Variants in ERICH3 observed in about 807,000 individuals in gnomAD.
ERICH3 encodes glutamate rich 3.
ERICH3 carries 126 observed loss-of-function variants against 131.1 expected under a neutral mutation model. The ratio of observed to expected loss-of-function variants is 0.96; its 90% confidence interval spans 0.83 to 1.11. The LOEUF (loss-of-function observed/expected upper bound fraction) is 1.11. ERICH3 is among the 50% of genes most tolerant of loss of function. The probability of loss-of-function intolerance (pLI) is 0.00; values close to 1 mark genes in which losing one functional copy is unlikely to be tolerated. For missense variants in ERICH3, 2,050 were observed against 1,810.7 expected (o/e 1.13, Z -2.40); for synonymous variants, 695 against 644.6 (o/e 1.08, Z -1.18).
At chr1:74,597,919 C>T (rs1479828902) in intron 11 of ERICH3, among the ~76,000 whole-genome samples, 1 of 151,960 alleles carries the variant, frequency 6.6e-6, no homozygotes, top group Non-Finnish European at 1.5e-5. Flanking sequence ...TATCTATCCT[C>T]TGAACATCTG....
chr1:74,577,725 A>AAG (rs1163027297), intron 12 of ERICH3, among the ~76,000 whole-genome samples: 3 of 152,182 alleles, frequency 2.0e-5, no homozygotes, highest in Non-Finnish European at 2.9e-5. Context: ...GCATTAAAAA[A>AAG]AGAGAGAGAG....
chr1:74,571,989 C>T lies in ERICH3; in HGVS notation c.3721G>A (p.Glu1241Lys). 6.2e-7 allele frequency: 1 copy of T among 1,614,084 alleles called. No individual in the cohort carries two copies. Among genetic ancestry groups the T allele is most frequent in the Non-Finnish European group, 8.5e-7 (1 of 1,180,032 alleles). Residue 1241 changes from glutamate to lysine, a missense_variant, in exon 14 of 15, where the codon GAG (glutamate) becomes AAG (lysine). Physicochemically the swap from Glu to Lys is moderately conservative, Grantham distance 56. Coordinates refer to ENST00000326665, the MANE Select transcript of ERICH3 (RefSeq NM_001002912.5). ...TCGTGATCTTTGGCTGCTAGCTCCTCTGCCTGGCCTGTGGCTGGGATCAGC... is the reference window on the plus strand; with the variant it reads ...TCGTGATCTTTGGCTGCTAGCTCCTTTGCCTGGCCTGTGGCTGGGATCAGC... The part of the protein sequence containing the change: ...EGLIPATGQA[E>K]ELAAKDHDSC...
chr1:74,585,671 A>G (rs1647293574), intron 12 of ERICH3, among the ~76,000 whole-genome samples: 1 of 152,090 alleles, frequency 6.6e-6, no homozygotes, highest in Non-Finnish European at 1.5e-5. Flanking sequence ...AATACCATAC[A>G]AATGTGGGAC....
rs2100493123 is a variant in ERICH3 at position 74,569,160 on chromosome 1, C to T, written c.*1298G>A. 6.6e-6 allele frequency: 1 copy of T among 152,176 alleles called. No homozygotes were observed. Among genetic ancestry groups the T allele is most frequent in the South Asian group, 2.1e-4 (1 of 4,818 alleles). 9.4% of individuals were successfully genotyped at this position (152,176 alleles called of 1,614,324 possible). Reference sequence around the variant, plus strand: ...GAACAGCGGTTCTCAACCTTGGCTACAGAGAAGAATCAAGTGAAAAGTTAA... The same window carrying T: ...GAACAGCGGTTCTCAACCTTGGCTATAGAGAAGAATCAAGTGAAAAGTTAA... On this transcript the variant is annotated 3_prime_UTR_variant, in exon 15 of 15. Coordinates refer to ENST00000326665, the MANE Select transcript of ERICH3 (RefSeq NM_001002912.5).
At chr1:74,630,937 C>G (rs1646325166) in intron 7 of ERICH3, among the ~76,000 whole-genome samples, 1 of 151,794 alleles carries the variant, frequency 6.6e-6, no homozygotes, top group Admixed American at 6.6e-5. Flanking sequence ...GAAGATGGTC[C>G]CCATCTTCTG....
chr1:74,668,620 C>A (rs1646713197), intron 1 of ERICH3, among the ~76,000 whole-genome samples: 1 of 152,142 alleles, frequency 6.6e-6, no homozygotes, highest in Non-Finnish European at 1.5e-5. Flanking sequence ...CCATAACAAA[C>A]CCCTTTCCAT....
intron 10 of ERICH3, among the ~76,000 whole-genome samples, chr1:74,602,398 A>T (rs1203559963): frequency 1.3e-5 from 2 of 152,046 alleles, no homozygotes; most frequent in South Asian, 2.1e-4. Context: ...GCTTTCTAAA[A>T]TCTTTTACAT....
Position 74,673,523 on chromosome 1 carries a change from T to A in ERICH3, c.-4A>T. On this transcript the variant is annotated 5_prime_UTR_variant, in exon 1 of 15. Coordinates refer to ENST00000326665, the MANE Select transcript of ERICH3 (RefSeq NM_001002912.5). ...CAGCGGGGTGAGAATGGCTCATTTTTGCAGGATCCCTTTTGGACCCCGCGG... is the reference window on the plus strand; with the variant it reads ...CAGCGGGGTGAGAATGGCTCATTTTAGCAGGATCCCTTTTGGACCCCGCGG... 1 of 1,613,334 alleles carries A rather than the reference T, an allele frequency of 6.2e-7. No homozygotes were observed. The highest frequency in any genetic ancestry group is 8.5e-7 in the Non-Finnish European group (1 of 1,179,812).
intron 10 of ERICH3, among the ~76,000 whole-genome samples, chr1:74,603,223 G>T (rs1341919221): frequency 6.6e-6 from 1 of 151,812 alleles, no homozygotes; most frequent in African/African-American, 2.4e-5. Context: ...TGATACTTTG[G>T]ACACACTATC....
In ERICH3 at chr1:74,646,730, A is replaced by T. The variant is rs377385228; in HGVS notation, c.180T>A (p.Asp60Glu). 72 of 1,502,494 alleles carry T rather than the reference A, an allele frequency of 4.8e-5. No homozygotes were observed. The highest frequency in any genetic ancestry group is 5.9e-5 in the Non-Finnish European group (65 of 1,110,368). The allele number at this position is 1,502,494 out of a possible 1,614,324, so 93.1% of individuals were successfully genotyped here. Residue 60 changes from aspartate to glutamate, a missense_variant, in exon 3 of 15, where the codon GAT (aspartate) becomes GAA (glutamate). Coordinates refer to ENST00000326665, the MANE Select transcript of ERICH3 (RefSeq NM_001002912.5). The part of the protein sequence containing the change: ...KEYKLNMMKR[D>E]HQKYIRECLA... ...AGCATTCCCGGATATATTTTTGATG[A>T]TCCCGCTTCATCATATTTAGTTTAT...
chr1:74,617,179 A>AG (rs1487115217), intron 8 of ERICH3, among the ~76,000 whole-genome samples: 1 of 151,842 alleles, frequency 6.6e-6, no homozygotes, highest in Non-Finnish European at 1.5e-5. Context: ...ACAAACAAAA[A>AG]AAAAAAAAGG....
chr1:74,655,100 C>T (rs1028093091), intron 1 of ERICH3, among the ~76,000 whole-genome samples: 2 of 152,120 alleles, frequency 1.3e-5, no homozygotes, highest in African/African-American at 4.8e-5. Context: ...TTAAATTCAG[C>T]TAATCTCTTA....
At chr1:74,645,145 C>T (rs1378110443) in intron 3 of ERICH3, among the ~76,000 whole-genome samples, 1 of 152,014 alleles carries the variant, frequency 6.6e-6, no homozygotes, top group Non-Finnish European at 1.5e-5. Flanking sequence ...TCATCCTCCT[C>T]TTCTTTTCTG....
chr1:74,643,154 G>A, intron 3 of ERICH3, 56 bp from the exon 4 acceptor site: 1 of 1,336,470 alleles, frequency 7.5e-7, no homozygotes, highest in Non-Finnish European at 1.1e-6. Context: ...GCAAAGACCA[G>A]TTTAGAGGAA....
At position 74,572,289 on chromosome 1, in the gene ERICH3, G is replaced by A; in HGVS notation, c.3421C>T (p.Pro1141Ser). 3 of 1,613,964 alleles carry A rather than the reference G, an allele frequency of 1.9e-6. No individual in the cohort carries two copies. The highest frequency in any genetic ancestry group is 2.5e-6 in the Non-Finnish European group (3 of 1,180,002). The change falls in exon 14 of 15, where the codon CCA becomes TCA. Residue 1141 changes from proline to serine, a missense_variant. Coordinates refer to ENST00000326665, the MANE Select transcript of ERICH3 (RefSeq NM_001002912.5). ...PVEASELSDNPGLLGEDSLKE... is the reference protein window; with the variant it reads ...PVEASELSDNSGLLGEDSLKE... ...AGTGAATCTTCTCCTAGAAGCCCTG[G>A]ATTGTCAGACAACTCAGAAGCCTCC...
chr1:74,613,098 TG>T (rs1353716568), intron 8 of ERICH3, among the ~76,000 whole-genome samples: 3 of 152,230 alleles, frequency 2.0e-5, no homozygotes, highest in Non-Finnish European at 2.9e-5. Context: ...CATTCAAAGT[TG>T]CATGCAGCCT....
chr1:74,663,622 TAAAA>T (rs75939047), intron 1 of ERICH3, among the ~76,000 whole-genome samples: 9 of 131,870 alleles, frequency 6.8e-5, no homozygotes, highest in Admixed American at 3.1e-4. Context: ...TGATTTTTGT[TAAAA>T]AAAAAAAAAA....
At chr1:74,655,021 T>A (rs1383612033) in intron 1 of ERICH3, among the ~76,000 whole-genome samples, 2 of 152,142 alleles carry the variant, frequency 1.3e-5, no homozygotes, top group Non-Finnish European at 2.9e-5. Context: ...TAAAAATTCT[T>A]ACAGACTTAT....
At chr1:74,606,532 G>A in intron 10 of ERICH3, 69 bp downstream of exon 10, 1 of 1,466,200 alleles carries the variant, frequency 6.8e-7, no homozygotes, top group Admixed American at 2.1e-5. Flanking sequence ...TGAAAATTTT[G>A]ATCATCACAT....
Sources: allele counts gnomAD v4.1 joint callset (sites outside exome capture counted in the v4.1 genomes callset), GRCh38; gene constraint gnomAD v4.1.1; transcripts MANE v1.5; gene names NCBI Gene and HGNC (gene_info 2026-07-23, HGNC 2026-07-21).